Variants in PCLO observed in about 807,000 individuals in gnomAD.
PCLO encodes piccolo presynaptic cytomatrix protein.
In PCLO, 82 loss-of-function variants were observed where a neutral mutation model predicts 427.5. The ratio of observed to expected loss-of-function variants is 0.19; its 90% CI spans 0.16 to 0.23. PCLO has a LOEUF of 0.23. Among genes scored for constraint, PCLO ranks in the 10% least tolerant of loss-of-function variants. The pLI is 1.00. For missense variants in PCLO, 6,239 were observed against 6,115.9 expected, an observed-to-expected ratio of 1.02 and a Z score of -0.67; for synonymous variants, 2,357 against 2,155.4, an observed-to-expected ratio of 1.09 and a Z score of -2.59.
chr7:82,994,283 T>C (rs1796443988), intron 3 of PCLO, among the ~76,000 whole-genome samples: 1 of 151,842 alleles, frequency 6.6e-6, no homozygotes, highest in Non-Finnish European at 1.5e-5. Context: ...AAACAGATAA[T>C]GACAACATCA....
intron 1 of PCLO, among the ~76,000 whole-genome samples, chr7:83,160,417 A>G (rs1792405238): frequency 6.6e-6 from 1 of 152,170 alleles, no homozygotes; most frequent in Non-Finnish European, 1.5e-5. Flanking sequence ...TATAACTTTA[A>G]AAGTCTAAGT....
intron 9 of PCLO, chr7:82,879,702 T>C (rs1022954662): frequency 6.9e-6 from 3 of 436,318 alleles, no homozygotes; most frequent in African/African-American, 6.1e-5. Flanking sequence ...ATTTTTCTAA[T>C]TCAGCCATAT....
At chr7:82,821,078 T>C in intron 20 of PCLO, 1 of 1,108,364 alleles carries the variant, frequency 9.0e-7, no homozygotes, top group East Asian at 5.0e-5. Flanking sequence ...GGGATGTTCT[T>C]GCTGTGTGCT....
chr7:83,055,889 T>C (rs1227655714), intron 3 of PCLO, among the ~76,000 whole-genome samples: 1 of 152,172 alleles, frequency 6.6e-6, no homozygotes, highest in Non-Finnish European at 1.5e-5. Context: ...GTAACCAGAA[T>C]GCTTCAAGAC....
At chr7:82,927,786 T>C (rs1035508417) in intron 6 of PCLO, among the ~76,000 whole-genome samples, 4 of 152,192 alleles carry the variant, frequency 2.6e-5, no homozygotes, top group African/African-American at 7.2e-5. Flanking sequence ...CCTACATAAA[T>C]ATATATTTTC....
chr7:82,845,580 T>C, intron 12 of PCLO, 95 bp from the exon 13 acceptor site: 1 of 777,532 alleles, frequency 1.3e-6, no homozygotes, highest in Non-Finnish European at 2.1e-6. Context: ...AGGTAAAACA[T>C]TACCTATAAA....
intron 14 of PCLO, among the ~76,000 whole-genome samples, chr7:82,839,839 T>A (rs1336699094): frequency 6.6e-6 from 1 of 152,078 alleles, no homozygotes; most frequent in East Asian, 1.9e-4. Flanking sequence ...ACTCCAGTGC[T>A]GATAGATTCA....
intron 3 of PCLO, among the ~76,000 whole-genome samples, chr7:83,011,299 AT>A (rs1007591894): frequency 3.3e-5 from 5 of 151,574 alleles, no homozygotes; most frequent in South Asian, 2.1e-4. Flanking sequence ...TAAATTTTAT[AT>A]TTTTTTCAAA....
At chr7:82,882,346 T>C (rs947126665) in intron 9 of PCLO, among the ~76,000 whole-genome samples, 1 of 152,174 alleles carries the variant, frequency 6.6e-6, no homozygotes, top group Non-Finnish European at 1.5e-5. Flanking sequence ...GTGATGTGTA[T>C]AGTATCATTG....
At position 82,966,275 on chromosome 7, in the gene PCLO, G is replaced by T. The variant is rs777002340; in HGVS notation, c.3513C>A (p.Val1171=). Residue 1171 remains valine (V), a synonymous_variant, in exon 4 of 25, where the codon GTC becomes GTA. Coordinates refer to ENST00000333891, the MANE Select transcript of PCLO (RefSeq NM_033026.6). ...EQEVKTEAEK[V]ILEKVKETLS... ...GTGTTTCCTTTACTTTTTCCAGAAT[G>T]ACTTTTTCAGCTTCCGTTTTTACTT... 1 of 1,612,146 alleles carries T rather than the reference G, an allele frequency of 6.2e-7. No homozygotes were observed. Among genetic ancestry groups the T allele is most frequent in the Non-Finnish European group, 8.5e-7 (1 of 1,179,434 alleles).
In PCLO at chr7:83,077,733, A is replaced by G. The variant is rs367803394; in HGVS notation, c.3300+56517T>C. The stretch of plus-strand genomic sequence containing the variant: ...TTGAGTAGTTTCCAGCTCTCATGGA[A>G]TCTAATCACACCTGAATTAATCATT... On this transcript the variant is annotated intron_variant, in intron 3 of 24. Transcript: ENST00000333891. Among the ~76,000 whole-genome samples, 9 of 152,182 alleles carry G rather than the reference A, an allele frequency of 5.9e-5. No homozygotes were observed. In the South Asian group the frequency reaches 8.3e-4, roughly 14 times the overall value.
chr7:83,082,447 A>G (rs1790125548), intron 3 of PCLO, among the ~76,000 whole-genome samples: 1 of 151,782 alleles, frequency 6.6e-6, no homozygotes, highest in Middle Eastern at 3.2e-3. Context: ...AACTTGGAAA[A>G]GAAAAATATC....
chr7:82,927,011 TA>T (rs1431430876), intron 6 of PCLO, among the ~76,000 whole-genome samples: 1 of 152,178 alleles, frequency 6.6e-6, no homozygotes, highest in Non-Finnish European at 1.5e-5. Flanking sequence ...TAGTTCTGTT[TA>T]ACAGACAAAA....
At chr7:82,969,482 T>C (rs1212154650) in intron 3 of PCLO, among the ~76,000 whole-genome samples, 1 of 152,094 alleles carries the variant, frequency 6.6e-6, no homozygotes, top group Non-Finnish European at 1.5e-5. Context: ...ATTGCTATTT[T>C]GCAATTATTT....
At chr7:83,108,236 T>A (rs1790917155) in intron 3 of PCLO, among the ~76,000 whole-genome samples, 1 of 152,060 alleles carries the variant, frequency 6.6e-6, no homozygotes, top group Non-Finnish European at 1.5e-5. Context: ...GCAAGTAATG[T>A]GTTTTCCTTT....
At chr7:83,022,853 G>A (rs1258845650) in intron 3 of PCLO, among the ~76,000 whole-genome samples, 3 of 152,182 alleles carry the variant, frequency 2.0e-5, no homozygotes, top group East Asian at 3.9e-4. Flanking sequence ...GAATATATAG[G>A]ATAAAGTTTT....
intron 6 of PCLO, among the ~76,000 whole-genome samples, chr7:82,932,639 A>C (rs1794866060): frequency 6.6e-6 from 1 of 152,122 alleles, no homozygotes; most frequent in Non-Finnish European, 1.5e-5. Flanking sequence ...AAGAAACAGA[A>C]AAACTGGGTG....
chr7:82,947,459 ATTAAT>A (rs1175236846), intron 6 of PCLO, among the ~76,000 whole-genome samples: 2 of 152,172 alleles, frequency 1.3e-5, no homozygotes, highest in Non-Finnish European at 2.9e-5. Context: ...TAATTAAGAA[ATTAAT>A]TTATTTACTT....
At chr7:83,151,674 T>C (rs28415524) in intron 2 of PCLO, among the ~76,000 whole-genome samples, 1 of 152,180 alleles carries the variant, frequency 6.6e-6, no homozygotes, top group African/African-American at 2.4e-5. Flanking sequence ...ATACTTCACC[T>C]TTCATGAAGA....
Sources: allele counts gnomAD v4.1 joint callset (sites outside exome capture counted in the v4.1 genomes callset), GRCh38; gene constraint gnomAD v4.1.1; transcripts MANE v1.5; gene names NCBI Gene and HGNC (gene_info 2026-07-23, HGNC 2026-07-21).